LACC1: variants seen among roughly 807,000 people sequenced by gnomAD.
LACC1 encodes the protein purine nucleoside phosphorylase LACC1.
A neutral mutation model predicts 34.8 loss-of-function variants in LACC1; 25 were observed. The observed-to-expected ratio is 0.72, with a 90% CI of 0.52 to 1.00. The LOEUF is 1.00. LACC1 is among the 50% of genes least tolerant of loss of function. The pLI is 0.00. For synonymous variants in LACC1, 162 were observed against 168.0 expected (o/e 0.96, Z 0.28); for missense variants, 426 against 511.2 (o/e 0.83, Z 1.61).
At position 43,880,945 on chromosome 13, in the gene LACC1, T is replaced by C. The variant is rs1954990700; in HGVS notation, c.-34-7T>C. The C allele has an allele frequency of 4.0e-6, 6 of 1,481,562 alleles. No individual in the cohort carries two copies. Among genetic ancestry groups the C allele is most frequent in the Non-Finnish European group, 3.7e-6 (4 of 1,086,170 alleles). The allele number at this position is 1,481,562 out of a possible 1,614,324, so 91.8% of individuals were successfully genotyped here. On this transcript the variant is annotated splice_polypyrimidine_tract_variant and splice_region_variant and intron_variant, in intron 1 of 6. Coordinates refer to ENST00000325686, the MANE Select transcript of LACC1 (RefSeq NM_153218.4). ...TCTTATATTCTTACACTAATTTTTA[T>C]TTGCAGGTGATTTATTTGGCATAAA...
At chr13:43,883,252 C>T (rs1955159419) in intron 3 of LACC1, among the ~76,000 whole-genome samples, 1 of 152,204 alleles carries the variant, frequency 6.6e-6, no homozygotes, top group Non-Finnish European at 1.5e-5. Context: ...TATACTACCA[C>T]TGCTCTTTTT....
intron 4 of LACC1, among the ~76,000 whole-genome samples, chr13:43,885,553 T>C (rs1053765361): frequency 2.0e-5 from 3 of 152,058 alleles, no homozygotes; most frequent in African/African-American, 7.2e-5. Flanking sequence ...TGGCTAGCCA[T>C]ATGTAGGAAA....
chr13:43,882,494 GTCTT>G (rs1005884184), intron 3 of LACC1, 131 bp downstream of exon 3: 1 of 604,402 alleles, frequency 1.7e-6, no homozygotes, highest in African/African-American at 1.9e-5. Flanking sequence ...TGCTGTGGTT[GTCTT>G]TCTTAGATTT....
intron 3 of LACC1, 52 bp from the exon 4 acceptor site, chr13:43,883,719 G>T (rs1955183169): frequency 1.4e-6 from 2 of 1,417,406 alleles, no homozygotes; most frequent in African/African-American, 2.8e-5. Flanking sequence ...AAAGCTTATG[G>T]TATAAGAAAT....
At position 43,881,351 on chromosome 13, in the gene LACC1, C is replaced by T; in HGVS notation, c.366C>T (p.Leu122=). The change falls in exon 2 of 7, where the codon CTC becomes CTT. Residue 122 remains leucine, a synonymous_variant. Coordinates refer to ENST00000325686, the MANE Select transcript of LACC1 (RefSeq NM_153218.4). ...TAATGAAAGCTTTTATTGATCAACT[C>T]TTCACTGATGTTTACAATTTTGAAT... ...KTLMKAFIDQ[L]FTDVYNFEFE... is the part of the protein sequence containing the mutation. 1 of 1,614,020 alleles carries T rather than the reference C, an allele frequency of 6.2e-7. No homozygotes were observed. The highest frequency in any genetic ancestry group is 8.5e-7 in the Non-Finnish European group (1 of 1,179,978).
Position 43,881,308 on chromosome 13 carries a change from C to T in LACC1, c.323C>T (p.Pro108Leu), listed in dbSNP as rs148073221. Residue 108 changes from proline (P) to leucine (L), a missense_variant, in exon 2 of 7, where the codon CCC becomes CTC. Pro to Leu is a moderately conservative substitution (Grantham distance 98, BLOSUM62 -3). This residue lies in a region of LACC1 where 217 missense variants were observed against 210.9 expected (regional missense o/e 1.03). Transcript: ENST00000325686. ...CTGAGCAGCATTAAGGTAATTGTAC[C>T]CAGGCACAGGAAGACATTAATGAAA... ...KNLSSIKVIV[P>L]RHRKTLMKAF... 2.7e-5 allele frequency: 43 copies of T among 1,613,746 alleles called. 1 individual carries two copies. In the African/African-American group the frequency reaches 4.9e-4, roughly 19 times the overall value.
In LACC1 at chr13:43,890,274, G is replaced by A; in HGVS notation, c.*1G>A. On this transcript the variant is annotated splice_region_variant and 3_prime_UTR_variant, in exon 6 of 7. Transcript: ENST00000325686. ...TGGCTTCATATCAATTAAAGAATGAGGTACAGTAGGTTTTCTCTCCTCTCT... is the reference window on the plus strand; with the variant it reads ...TGGCTTCATATCAATTAAAGAATGAAGTACAGTAGGTTTTCTCTCCTCTCT... The A allele has an allele frequency of 6.2e-7, 1 of 1,609,398 alleles. No homozygotes were observed. The highest frequency in any genetic ancestry group is 1.1e-5 in the South Asian group (1 of 90,430).
At chr13:43,887,374 G>A (rs1453886930) in intron 4 of LACC1, among the ~76,000 whole-genome samples, 1 of 152,076 alleles carries the variant, frequency 6.6e-6, no homozygotes, top group African/African-American at 2.4e-5. Context: ...AAGGTGTAAG[G>A]GTACTCATTA....
At chr13:43,880,807 G>T in intron 1 of LACC1, 145 bp from the exon 2 acceptor site, 1 of 570,124 alleles carries the variant, frequency 1.8e-6, no homozygotes, top group South Asian at 2.5e-5. Context: ...AGAGTAGACT[G>T]GCTTTTCTGG....
In LACC1 at chr13:43,889,941, G is replaced by A. The variant is rs529464374; in HGVS notation, c.1134-173G>A. On this transcript the variant is annotated intron_variant, in intron 5 of 6. Transcript: ENST00000325686. ...CTTAGGTGATAAATGCTGATAAAGT[G>A]TAGCATTTTTTTCCCTGACTAGTCC... 72 of 559,878 alleles carry A rather than the reference G, an allele frequency of 1.3e-4. No homozygotes were observed. In the East Asian group the frequency reaches 2.0e-3, roughly 15 times the overall value. 34.7% of individuals were successfully genotyped at this position (559,878 alleles called of 1,614,324 possible).
At chr13:43,890,308 CCTCT>C in intron 6 of LACC1, 34 bp downstream of exon 6, 1 of 1,565,744 alleles carries the variant, frequency 6.4e-7, no homozygotes, top group Admixed American at 1.7e-5. Flanking sequence ...CTCCGTTTTT[CCTCT>C]CTTTCATCCC....
At position 43,890,108 on chromosome 13, in the gene LACC1, C is replaced by T; in HGVS notation, c.1134-6C>T. On this transcript the variant is annotated splice_polypyrimidine_tract_variant and splice_region_variant and intron_variant, in intron 5 of 6. Coordinates refer to ENST00000325686, the MANE Select transcript of LACC1 (RefSeq NM_153218.4). Reference sequence around the variant, plus strand: ...TTGCTCTCTTTTGAAAAATATTTTTCCTAAGGATTCTTCTAGAACAGGGAG... The same window carrying T: ...TTGCTCTCTTTTGAAAAATATTTTTTCTAAGGATTCTTCTAGAACAGGGAG... The T allele has an allele frequency of 6.3e-7, 1 of 1,593,788 alleles. No individual in the cohort carries two copies. Among genetic ancestry groups the T allele is most frequent in the African/African-American group, 1.4e-5 (1 of 73,804 alleles).
At chr13:43,891,169 A>C (rs563029526) in intron 6 of LACC1, among the ~76,000 whole-genome samples, 1 of 152,362 alleles carries the variant, frequency 6.6e-6, no homozygotes, top group East Asian at 1.9e-4. Context: ...AAAGTCATAC[A>C]GCAAGACTGA....
In LACC1 at chr13:43,881,255, C is replaced by A; in HGVS notation, c.270C>A (p.Thr90=). Residue 90 remains threonine (T), a synonymous_variant, in exon 2 of 7, where the codon ACC becomes ACA. Transcript: ENST00000325686. ...CCAGCATGGCTGCCACTTTGTATAC[C>A]ATTAAACAGAAAATTGATGAAAAAA... ...SCPSMAATLY[T]IKQKIDEKNL... is the part of the protein sequence containing the mutation. 1 of 1,614,078 alleles carries A rather than the reference C, an allele frequency of 6.2e-7. No individual in the cohort carries two copies. Among genetic ancestry groups the A allele is most frequent in the Non-Finnish European group, 8.5e-7 (1 of 1,180,022 alleles).
intron 5 of LACC1, 160 bp from the exon 6 acceptor site, chr13:43,889,954 C>T (rs7989857): frequency 0.5 from 285,102 of 570,354 alleles, 73,260 homozygotes; most frequent in East Asian, 0.7. Flanking sequence ...GCATTTTTTT[C>T]CCTGACTAGT....
chr13:43,880,558 G>T (rs1445387473), intron 1 of LACC1, among the ~76,000 whole-genome samples: 1 of 152,136 alleles, frequency 6.6e-6, no homozygotes, highest in African/African-American at 2.4e-5. Flanking sequence ...TTAAGCCCCC[G>T]CATATGAAAG....
intron 2 of LACC1, 147 bp from the exon 3 acceptor site, chr13:43,882,038 A>T (rs1955093326): frequency 1.8e-6 from 1 of 569,252 alleles, no homozygotes; most frequent in Non-Finnish European, 3.0e-6. Context: ...ACAAAGCAGA[A>T]TGCCATAAGA....
At chr13:43,890,971 C>T (rs557630564) in intron 6 of LACC1, among the ~76,000 whole-genome samples, 2 of 152,264 alleles carry the variant, frequency 1.3e-5, no homozygotes, top group South Asian at 4.1e-4. Context: ...AAAAATCAGG[C>T]GAGGGAGCCA....
chr13:43,891,243 C>G (rs1251910912), intron 6 of LACC1, among the ~76,000 whole-genome samples: 1 of 152,184 alleles, frequency 6.6e-6, no homozygotes, highest in African/African-American at 2.4e-5. Context: ...AAAAATATTT[C>G]ATGGCACTGA....
Sources: gnomAD v4.1 joint callset for allele counts (sites outside exome capture counted in the v4.1 genomes callset) on GRCh38, gnomAD v4.1.1 for gene constraint, gnomAD v4.1.1 regional missense constraint, MANE v1.5 for transcripts, NCBI Gene and HGNC (gene_info 2026-07-23, HGNC 2026-07-21) for gene names.